AUTS2: variants seen among roughly 807,000 people sequenced by gnomAD.
AUTS2 encodes activator of transcription and developmental regulator AUTS2, also known as autism susceptibility gene 2 protein.
AUTS2 carries 17 observed loss-of-function variants against 112.4 expected under a neutral mutation model. That is an observed-to-expected ratio of 0.15 (90% CI 0.10 to 0.23). AUTS2 has a LOEUF of 0.23. Ranked by LOEUF, AUTS2 falls within the 10% of genes least tolerant of loss-of-function variation. AUTS2 has a pLI of 1.00. For synonymous variants in AUTS2, 751 were observed against 702.7 expected (o/e 1.07, Z -1.09); for missense variants, 1,510 against 1,701.6 (o/e 0.89, Z 1.98).
chr7:69,603,798 A>C (rs974923710), intron 1 of AUTS2, among the ~76,000 whole-genome samples: 2 of 152,196 alleles, frequency 1.3e-5, no homozygotes, highest in African/African-American at 4.8e-5. Context: ...GTTTTCTTAA[A>C]AAGTGGCTTT....
At chr7:69,988,316 G>T (rs907208246) in intron 2 of AUTS2, among the ~76,000 whole-genome samples, 1 of 152,182 alleles carries the variant, frequency 6.6e-6, no homozygotes, top group African/African-American at 2.4e-5. Flanking sequence ...TCTATCAAGA[G>T]TGTGTGTGTC....
chr7:69,932,083 A>ATGTGTGCACACACATGCACAGCT (rs1460810715), intron 2 of AUTS2, among the ~76,000 whole-genome samples: 2 of 152,026 alleles, frequency 1.3e-5, no homozygotes, highest in African/African-American at 4.8e-5. Context: ...GTGTGTGTAT[A>ATGTGTGCACACACATGCACAGCT]TGTGTGCACA....
chr7:69,821,012 C>G (rs1188617834), intron 1 of AUTS2, among the ~76,000 whole-genome samples: 1 of 152,106 alleles, frequency 6.6e-6, no homozygotes, highest in African/African-American at 2.4e-5. Context: ...ACGTGAGATT[C>G]TCAAGAGGAA....
intron 1 of AUTS2, among the ~76,000 whole-genome samples, chr7:69,691,473 G>A (rs1481762936): frequency 6.6e-6 from 1 of 152,112 alleles, no homozygotes; most frequent in African/African-American, 2.4e-5. Context: ...AGTCCAGAGG[G>A]GGCCGAGGTG....
Position 70,488,152 on chromosome 7 carries a change from C to G in AUTS2, c.690+52371C>G, listed in dbSNP as rs549277419. ...AAGGCAAGGAGGCCAGGCTGCAGTG[C>G]CAGACCTGCAGAACATCTGTCCTTG... On this transcript the variant is annotated intron_variant, in intron 5 of 18. Transcript: ENST00000342771. Among the ~76,000 whole-genome samples the G allele has an allele frequency of 1.3e-4, 20 of 152,350 alleles. No individual in the cohort carries two copies. The East Asian group carries it at 3.7e-3, about 28-fold the overall frequency.
At chr7:70,035,905 C>T (rs182013199) in intron 2 of AUTS2, among the ~76,000 whole-genome samples, 11 of 152,240 alleles carry the variant, frequency 7.2e-5, no homozygotes, top group Non-Finnish European at 2.9e-5. Flanking sequence ...ATATTAGGAG[C>T]TAGATATGTA....
At chr7:70,581,426 C>G (rs1258749061) in intron 5 of AUTS2, among the ~76,000 whole-genome samples, 1 of 152,172 alleles carries the variant, frequency 6.6e-6, no homozygotes, top group Non-Finnish European at 1.5e-5. Context: ...GGTGCGATGG[C>G]ATGTGCCTAT....
chr7:69,600,659 G>C (rs771603662), intron 1 of AUTS2, among the ~76,000 whole-genome samples: 15 of 151,240 alleles, frequency 9.9e-5, no homozygotes, highest in Non-Finnish European at 2.1e-4. Context: ...TCTGTATGGG[G>C]TTCTGTTACA....
At chr7:69,895,547 C>CCA (rs928449972) in intron 1 of AUTS2, among the ~76,000 whole-genome samples, 3 of 144,816 alleles carry the variant, frequency 2.1e-5, no homozygotes, top group Non-Finnish European at 4.5e-5. Context: ...TCTTCTTCCC[C>CCA]CCCCCCGAGT....
rs73703826 is a variant in AUTS2, at chr7:69,914,084, C to T, written c.522+14586C>T. On this transcript the variant is annotated intron_variant, in intron 2 of 18. Coordinates refer to ENST00000342771, the MANE Select transcript of AUTS2 (RefSeq NM_015570.4). Reference sequence around the variant, plus strand: ...ACTCACCTTTTTAACTTCCTAACACCACATTTATAATTATAGATTTTTCTT... The same window carrying T: ...ACTCACCTTTTTAACTTCCTAACACTACATTTATAATTATAGATTTTTCTT... Among the ~76,000 whole-genome samples the T allele has an allele frequency of 8.0e-3, 1,223 of 152,094 alleles. 24 individuals carry two copies. The highest frequency in any genetic ancestry group is 0.028 in the African/African-American group (1,154 of 41,482).
chr7:70,697,630 A>G (rs890779519), intron 5 of AUTS2, among the ~76,000 whole-genome samples: 3 of 143,366 alleles, frequency 2.1e-5, no homozygotes, highest in African/African-American at 7.7e-5. Flanking sequence ...CTTTCTCAGA[A>G]TATGCATCTC....
rs535648176 is a variant in AUTS2 at position 69,859,954 on chromosome 7, T to C, written c.310-39332T>C. On this transcript the variant is annotated intron_variant, in intron 1 of 18. Transcript: ENST00000342771. ...GTAGACAGGTAGCAGAGTGAATGAATTGGACAACTATAAGCAATGGGGGAG... is the reference window on the plus strand; with the variant it reads ...GTAGACAGGTAGCAGAGTGAATGAACTGGACAACTATAAGCAATGGGGGAG... Among the ~76,000 whole-genome samples the C allele has an allele frequency of 2.0e-5, 3 of 152,216 alleles. No homozygotes were observed. In the East Asian group the frequency reaches 5.8e-4, roughly 29 times the overall value.
chr7:70,164,126 C>G (rs942638262), intron 4 of AUTS2, among the ~76,000 whole-genome samples: 2 of 152,010 alleles, frequency 1.3e-5, no homozygotes, highest in Non-Finnish European at 2.9e-5. Flanking sequence ...ATAAAATAAA[C>G]TTTCATTTCT....
chr7:69,797,910 C>T (rs1365903653), intron 1 of AUTS2, among the ~76,000 whole-genome samples: 2 of 152,036 alleles, frequency 1.3e-5, no homozygotes, highest in African/African-American at 2.4e-5. Flanking sequence ...TCTTTACTTT[C>T]GAAAGGAAGG....
chr7:70,621,228 C>T (rs1453293898), intron 5 of AUTS2, among the ~76,000 whole-genome samples: 1 of 152,228 alleles, frequency 6.6e-6, no homozygotes, highest in Non-Finnish European at 1.5e-5. Context: ...GCACACATTC[C>T]AGGCTTCTGT....
chr7:69,976,088 T>C (rs180914454), intron 2 of AUTS2, among the ~76,000 whole-genome samples: 6 of 152,374 alleles, frequency 3.9e-5, no homozygotes, highest in Admixed American at 2.0e-4. Context: ...TTCACATTGC[T>C]GTGAAACACA....
chr7:70,323,886 A>G (rs1790368953), intron 4 of AUTS2, among the ~76,000 whole-genome samples: 1 of 152,208 alleles, frequency 6.6e-6, no homozygotes, highest in Admixed American at 6.5e-5. Flanking sequence ...TCCCCATTAA[A>G]TATAGGTGAT....
intron 4 of AUTS2, among the ~76,000 whole-genome samples, chr7:70,409,530 G>A (rs766157369): frequency 6.6e-5 from 10 of 152,080 alleles, no homozygotes; most frequent in East Asian, 1.9e-4. Context: ...TGTGCATTCC[G>A]ACAGTGTCTT....
chr7:70,570,478 G>T (rs546082923), intron 5 of AUTS2, among the ~76,000 whole-genome samples: 1 of 152,106 alleles, frequency 6.6e-6, no homozygotes, highest in Non-Finnish European at 1.5e-5. Context: ...CGACACAAAC[G>T]ACCAAACCTT....
Sources: allele counts gnomAD v4.1 joint callset (sites outside exome capture counted in the v4.1 genomes callset), GRCh38; gene constraint gnomAD v4.1.1; transcripts MANE v1.5; gene names NCBI Gene and HGNC (gene_info 2026-07-23, HGNC 2026-07-21).